MYH4: variants seen among roughly 807,000 people sequenced by gnomAD.
The protein encoded by MYH4 is myosin heavy chain 4, also known as myosin-4.
Under a neutral mutation model 229.9 loss-of-function variants are expected in MYH4, and 200 were observed. The ratio of observed to expected loss-of-function variants is 0.87; its 90% CI spans 0.78 to 0.98. MYH4 has a LOEUF of 0.98. Among genes scored for constraint, MYH4 ranks in the 50% least tolerant of loss-of-function variants. MYH4 has a pLI of 0.00. For missense variants in MYH4, 2,148 were observed against 2,332.6 expected (o/e 0.92, Z 1.63); for synonymous variants, 761 against 834.6 (o/e 0.91, Z 1.52).
chr17:10,453,501 T>A, intron 23 of MYH4, 142 bp downstream of exon 23: 1 of 1,544,884 alleles, frequency 6.5e-7, no homozygotes, highest in South Asian at 1.2e-5. Flanking sequence ...AGTAAGTACA[T>A]TGAGGTGGTG....
At position 10,452,329 on chromosome 17, in the gene MYH4, G is replaced by T. The variant is rs16943441; in HGVS notation, c.3350C>A (p.Ala1117Asp). The T allele has an allele frequency of 6.0e-4, 971 of 1,614,114 alleles. 4 individuals are homozygous for T. In the African/African-American group the frequency reaches 0.011, roughly 19 times the overall value. Residue 1117 changes from alanine to aspartate, a missense_variant and splice_region_variant, in exon 27 of 40, where the codon GCC becomes GAC. Physicochemically the swap from Ala to Asp is moderately radical, Grantham distance 126. Transcript: ENST00000255381. The stretch of plus-strand genomic sequence containing the variant: ...TTCCTCCTCCAGCTCCTCAATGCGG[G>T]CCTGGTTGTGATATGTCAACATTAA... Reference protein sequence around the residue: ...QLQKKIKELQARIEELEEEIE... With the variant: ...QLQKKIKELQDRIEELEEEIE...
intron 30 of MYH4, 66 bp downstream of exon 30, chr17:10,450,387 C>T (rs181605971): frequency 0.011 from 17,075 of 1,610,872 alleles, 163 homozygotes; most frequent in Non-Finnish European, 0.012. Context: ...TATTCTCTTT[C>T]TTCTATTTTT....
At chr17:10,450,719 A>G (rs2072563486) in intron 29 of MYH4, 58 bp downstream of exon 29, 22 of 1,610,730 alleles carry the variant, frequency 1.4e-5, no homozygotes, top group Non-Finnish European at 1.8e-5. Flanking sequence ...GCAAAGTTCA[A>G]TAGTGTGTTA....
intron 30 of MYH4, among the ~76,000 whole-genome samples, chr17:10,449,978 G>T (rs142846823): frequency 6.6e-6 from 1 of 152,090 alleles, no homozygotes; most frequent in African/African-American, 2.4e-5. Context: ...CAAACAGTAC[G>T]TGTAATTAGT....
In MYH4 at chr17:10,460,964, A is replaced by G. The variant is rs755765953; in HGVS notation, c.1099T>C (p.Phe367Leu). The change falls in exon 12 of 40, where the codon TTC (phenylalanine) becomes CTC (leucine). Residue 367 changes from phenylalanine to leucine, a missense_variant. Coordinates refer to ENST00000255381, the MANE Select transcript of MYH4 (RefSeq NM_017533.2). Reference sequence around the variant, plus strand: ...TGCTCTTCCCTTTGCTTTTGCTTGAATTTCATGTTCCCATAATGCATCACG... The same window carrying G: ...TGCTCTTCCCTTTGCTTTTGCTTGAGTTTCATGTTCCCATAATGCATCACG... The part of the protein sequence containing the change: ...GAVMHYGNMK[F>L]KQKQREEQAE... 7 of 1,614,044 alleles carry G rather than the reference A, an allele frequency of 4.3e-6. No homozygotes were observed. Among genetic ancestry groups the G allele is most frequent in the Non-Finnish European group, 5.9e-6 (7 of 1,179,992 alleles).
At position 10,457,483 on chromosome 17, in the gene MYH4, A is replaced by G. The variant is rs557704267; in HGVS notation, c.1834T>C (p.Tyr612His). 9.9e-6 allele frequency: 16 copies of G among 1,614,194 alleles called. No individual in the cohort carries two copies. Among genetic ancestry groups the G allele is most frequent in the Middle Eastern group, 1.7e-4 (1 of 6,060 alleles). Residue 612 changes from tyrosine (Y) to histidine (H), a missense_variant, in exon 16 of 40, where the codon TAC becomes CAC. Physicochemically the swap from Tyr to His is moderately conservative, Grantham distance 83. Transcript: ENST00000255381. ...DPLNETVVGLYQKSAMKTLAF... is the reference protein window; with the variant it reads ...DPLNETVVGLHQKSAMKTLAF... ...AGAGTCTTCATTGCAGACTTCTGGTACAGCCCCACCACAGTCTCATTCAGG... is the reference window on the plus strand; with the variant it reads ...AGAGTCTTCATTGCAGACTTCTGGTGCAGCCCCACCACAGTCTCATTCAGG...
Position 10,454,605 on chromosome 17 carries a change from T to C in MYH4, c.2641A>G (p.Met881Val). ...EAKRKELEEK[M>V]VTLMQEKNDL... ...TTTTTCTCTTGCATTAGCGTCACCA[T>C]CTTTTCTTCTAGTTCTTTCCTTTTT... Residue 881 changes from methionine (M) to valine (V), a missense_variant, in exon 22 of 40, where the codon ATG becomes GTG. By Grantham distance (21) the Met-to-Val change is conservative. Coordinates refer to ENST00000255381, the MANE Select transcript of MYH4 (RefSeq NM_017533.2). The C allele has an allele frequency of 6.2e-7, 1 of 1,614,168 alleles. No individual in the cohort carries two copies. Among genetic ancestry groups the C allele is most frequent in the Non-Finnish European group, 8.5e-7 (1 of 1,180,042 alleles).
chr17:10,460,432 G>T, intron 12 of MYH4, 111 bp from the exon 13 acceptor site: 2 of 858,320 alleles, frequency 2.3e-6, no homozygotes, highest in South Asian at 1.9e-5. Context: ...ATGTGCAAAT[G>T]TCATTGAAAC....
chr17:10,449,090 G>A (rs2072545338), intron 30 of MYH4, 43 bp from the exon 31 acceptor site: 1 of 1,556,932 alleles, frequency 6.4e-7, no homozygotes, highest in African/African-American at 1.4e-5. Context: ...CAGACTCAGA[G>A]TCACCACAGT....
At position 10,455,748 on chromosome 17, in the gene MYH4, A is replaced by T. The variant is rs549381053; in HGVS notation, c.2057-17T>A. 8.7e-4 allele frequency: 1,406 copies of T among 1,614,174 alleles called. 15 individuals are homozygous for T. The South Asian group carries it at 0.015, about 17-fold the overall frequency. ...CCATGGCACCTAAGAGAATGAATCC[A>T]CATGCCATACTTCGTGGTCTATCGC... is the stretch of plus-strand genomic sequence containing the variant. On this transcript the variant is annotated splice_polypyrimidine_tract_variant and intron_variant, in intron 18 of 39. Transcript: ENST00000255381.
At chr17:10,444,724 G>T in intron 38 of MYH4, 25 bp from the exon 39 acceptor site, 1 of 1,611,676 alleles carries the variant, frequency 6.2e-7, no homozygotes, top group Non-Finnish European at 8.5e-7. Context: ...AGTAGATGGT[G>T]CCATTATTTT....
At position 10,451,428 on chromosome 17, in the gene MYH4, T is replaced by A. The variant is rs540884659; in HGVS notation, c.3763A>T (p.Thr1255Ser). Residue 1255 changes from threonine (T) to serine (S), a missense_variant, in exon 28 of 40, where the codon ACC becomes TCC. Coordinates refer to ENST00000255381, the MANE Select transcript of MYH4 (RefSeq NM_017533.2). ...ATTTCACTAAGCTGGTCCTCTAGGG[T>A]GCGGCACATTTTCTCAAAGTTTGCC... ...AKANFEKMCRTLEDQLSEIKT... is the reference protein window; with the variant it reads ...AKANFEKMCRSLEDQLSEIKT... 6.2e-7 allele frequency: 1 copy of A among 1,613,476 alleles called. No individual in the cohort carries two copies. Among genetic ancestry groups the A allele is most frequent in the South Asian group, 1.1e-5 (1 of 90,946 alleles).
rs769061574 is a variant in MYH4 at position 10,452,507 on chromosome 17, C to G, written c.3258-1G>C. On this transcript the variant is annotated splice_acceptor_variant, in intron 25 of 39. Coordinates refer to ENST00000255381, the MANE Select transcript of MYH4 (RefSeq NM_017533.2). LOFTEE classifies it high-confidence loss of function. ...CAGATTGCTCATTTCAAACTCTTTC[C>G]TATTAGAAGAGCAACACATTAGCTT... 1 of 1,613,222 alleles carries G rather than the reference C, an allele frequency of 6.2e-7. No homozygotes were observed. The highest frequency in any genetic ancestry group is 8.5e-7 in the Non-Finnish European group (1 of 1,179,524).
In MYH4 at chr17:10,455,247, G is replaced by A. The variant is rs1336980859; in HGVS notation, c.2223C>T (p.Asp741=). Residue 741 remains aspartate, a synonymous_variant, in exon 20 of 40, where the codon GAC becomes GAT. Coordinates refer to ENST00000255381, the MANE Select transcript of MYH4 (RefSeq NM_017533.2). ...GAAGTTTCTCAGAAGCCTTCTTGCT[G>A]TCAATGAACTGACCCTCTGGGATAG... ...ASAIPEGQFI[D]SKKASEKLLG... 3.1e-6 allele frequency: 5 copies of A among 1,613,868 alleles called. No individual in the cohort carries two copies. The highest frequency in any genetic ancestry group is 3.3e-5 in the Admixed American group (2 of 60,014).
intron 35 of MYH4, 39 bp from the exon 36 acceptor site, chr17:10,445,401 C>A (rs774556515): frequency 6.7e-5 from 101 of 1,507,080 alleles, no homozygotes; most frequent in Non-Finnish European, 9.0e-5. Flanking sequence ...AGCACATTTA[C>A]TTATAACAAC....
chr17:10,462,446 A>G (rs551865846), intron 11 of MYH4, among the ~76,000 whole-genome samples: 4 of 152,300 alleles, frequency 2.6e-5, no homozygotes, highest in East Asian at 3.9e-4. Flanking sequence ...TATTCAAAAT[A>G]AGGCTTATGT....
At chr17:10,465,219 T>G (rs2072748703) in intron 5 of MYH4, among the ~76,000 whole-genome samples, 1 of 152,184 alleles carries the variant, frequency 6.6e-6, no homozygotes, top group African/African-American at 2.4e-5. Context: ...TAAGCAAAAT[T>G]TCCTCTATTT....
In MYH4 at chr17:10,464,491, G is replaced by T; in HGVS notation, c.629C>A (p.Pro210His). Residue 210 changes from proline (P) to histidine (H), a missense_variant, in exon 7 of 40, where the codon CCT becomes CAT. Physicochemically the swap from Pro to His is moderately conservative, Grantham distance 77. Coordinates refer to ENST00000255381, the MANE Select transcript of MYH4 (RefSeq NM_017533.2). ...AVTGEKKKEEPASGKMQGTLE... is the reference protein window; with the variant it reads ...AVTGEKKKEEHASGKMQGTLE... ...GCCCACCTGCATTTTGCCAGAGGCAGGTTCCTCTTTTTTCTTCTCTCCAGT... is the reference window on the plus strand; with the variant it reads ...GCCCACCTGCATTTTGCCAGAGGCATGTTCCTCTTTTTTCTTCTCTCCAGT... 6.2e-7 allele frequency: 1 copy of T among 1,613,588 alleles called. No homozygotes were observed. Among genetic ancestry groups the T allele is most frequent in the Non-Finnish European group, 8.5e-7 (1 of 1,179,870 alleles).
intron 2 of MYH4, among the ~76,000 whole-genome samples, chr17:10,469,032 A>G (rs939971626): frequency 7.9e-5 from 12 of 152,348 alleles, no homozygotes; most frequent in East Asian, 3.9e-4. Flanking sequence ...TTGGAGTAGT[A>G]GTTCACATTA....
Sources: allele counts gnomAD v4.1 joint callset (sites outside exome capture counted in the v4.1 genomes callset), GRCh38; gene constraint gnomAD v4.1.1; transcripts MANE v1.5; gene names NCBI Gene and HGNC (gene_info 2026-07-23, HGNC 2026-07-21).